Variants in LRRIQ3 observed in about 807,000 individuals in gnomAD.
The protein encoded by LRRIQ3 is leucine rich repeats and IQ motif containing 3, also known as leucine-rich repeat and IQ domain-containing protein 3.
In LRRIQ3, 75 loss-of-function variants were observed where a neutral mutation model predicts 59.3. That is an observed-to-expected ratio of 1.26 (90% confidence interval 1.05 to 1.53). The LOEUF is 1.53. Ranked by LOEUF, LRRIQ3 falls within the 40% of genes most tolerant of loss-of-function variation. The pLI is 0.00. For synonymous variants in LRRIQ3, 250 were observed against 231.3 expected (o/e 1.08, Z -0.73); for missense variants, 831 against 710.0 (o/e 1.17, Z -1.94).
chr1:74,072,701 G>T (rs1185201445), intron 6 of LRRIQ3, among the ~76,000 whole-genome samples: 1 of 151,870 alleles, frequency 6.6e-6, no homozygotes, highest in Non-Finnish European at 1.5e-5. Context: ...CTGTAGCCTA[G>T]TTGGAAGTAG....
intron 7 of LRRIQ3, among the ~76,000 whole-genome samples, chr1:74,037,946 C>T (rs1407285762): frequency 6.6e-6 from 1 of 152,212 alleles, no homozygotes; most frequent in African/African-American, 2.4e-5. Flanking sequence ...TTAAGACTCC[C>T]AGGGGAGGGG....
chr1:74,148,914 C>T (rs1412924181), intron 4 of LRRIQ3, among the ~76,000 whole-genome samples: 1 of 152,122 alleles, frequency 6.6e-6, no homozygotes, highest in East Asian at 1.9e-4. Flanking sequence ...TTATAATAGG[C>T]ACACATTTTA....
intron 6 of LRRIQ3, among the ~76,000 whole-genome samples, chr1:74,049,004 G>C (rs1007542423): frequency 1.3e-5 from 2 of 152,180 alleles, no homozygotes. Context: ...CTAGTAATTA[G>C]ATTGGGTGGA....
chr1:74,058,924 G>T (rs1654618829), intron 6 of LRRIQ3, among the ~76,000 whole-genome samples: 1 of 151,992 alleles, frequency 6.6e-6, no homozygotes, highest in East Asian at 1.9e-4. Flanking sequence ...AAATCCATCT[G>T]TAATCCACAA....
chr1:74,119,884 T>C (rs1446545236), intron 4 of LRRIQ3, among the ~76,000 whole-genome samples: 1 of 152,094 alleles, frequency 6.6e-6, no homozygotes, highest in Non-Finnish European at 1.5e-5. Flanking sequence ...GTTTCTTGGA[T>C]ATTACAAAGC....
rs201442341 is a variant in LRRIQ3, at chr1:74,109,455, A to C, written c.806T>G (p.Leu269Arg). ...YITKGYEDKL[L>R]KDLFFKPETN... The stretch of plus-strand genomic sequence containing the variant: ...TTCAGGTTTGAAAAAGAGATCCTTA[A>C]GGAGCTTATCTTCATACCCTTTGGT... The change falls in exon 5 of 8, where the codon CTT (leucine) becomes CGT (arginine). Residue 269 changes from leucine to arginine, a missense_variant. Transcript: ENST00000354431. 84 of 1,577,560 alleles carry C rather than the reference A, an allele frequency of 5.3e-5. No homozygotes were observed. In the African/African-American group the frequency reaches 1.1e-3, roughly 21 times the overall value.
At position 74,072,878 on chromosome 1, in the gene LRRIQ3, T is replaced by C. The variant is rs192363145; in HGVS notation, c.997+1783A>G. On this transcript the variant is annotated intron_variant, in intron 6 of 7. Transcript: ENST00000354431. ...TTCGAATATTCTGACCATAATGTTC[T>C]TTTATAATTCATACATATATATTAA... Among the ~76,000 whole-genome samples, 39 of 152,286 alleles carry C rather than the reference T, an allele frequency of 2.6e-4. No homozygotes were observed. The East Asian group carries it at 7.0e-3, about 27-fold the overall frequency.
chr1:74,144,836 G>A (rs972928491), intron 4 of LRRIQ3, among the ~76,000 whole-genome samples: 2 of 150,790 alleles, frequency 1.3e-5, no homozygotes, highest in African/African-American at 4.9e-5. Context: ...ATACATGTAT[G>A]TGTACACACA....
intron 6 of LRRIQ3, among the ~76,000 whole-genome samples, chr1:74,050,765 G>A (rs182827741): frequency 2.0e-5 from 3 of 152,272 alleles, no homozygotes; most frequent in South Asian, 2.1e-4. Flanking sequence ...AAAATGAAAC[G>A]AATATAAGGA....
Position 74,111,708 on chromosome 1 carries a change from C to G in LRRIQ3, c.708-2155G>C, listed in dbSNP as rs560540859. ...AAAATCTATTACATCTCAGTGTTAA[C>G]AGTGAATCTTTGCCATTTAAACCAC... On this transcript the variant is annotated intron_variant, in intron 4 of 7. Coordinates refer to ENST00000354431, the MANE Select transcript of LRRIQ3 (RefSeq NM_001105659.2). Among the ~76,000 whole-genome samples, 3 of 152,186 alleles carry G rather than the reference C, an allele frequency of 2.0e-5. No homozygotes were observed. The South Asian group carries it at 6.2e-4, about 32-fold the overall frequency.
At chr1:74,084,226 A>C in intron 5 of LRRIQ3, 1 of 1,544,530 alleles carries the variant, frequency 6.5e-7, no homozygotes, top group South Asian at 1.2e-5. Context: ...CCTGAAGAAA[A>C]ATACAGTAAT....
intron 3 of LRRIQ3, among the ~76,000 whole-genome samples, chr1:74,166,847 A>G (rs1649021353): frequency 6.6e-6 from 1 of 152,002 alleles, no homozygotes. Context: ...ACATATGAAA[A>G]AAATGCTTAA....
intron 3 of LRRIQ3, chr1:74,180,883 C>T: frequency 4.8e-6 from 6 of 1,246,422 alleles, no homozygotes; most frequent in Admixed American, 2.2e-5. Context: ...AATCTCTACC[C>T]CTTTCAGTCT....
intron 4 of LRRIQ3, among the ~76,000 whole-genome samples, chr1:74,134,123 C>T (rs939010559): frequency 6.6e-6 from 1 of 151,866 alleles, no homozygotes; most frequent in Non-Finnish European, 1.5e-5. Flanking sequence ...ATATAGAGGT[C>T]TTCTGTAATG....
At chr1:74,098,020 A>C (rs1179491004) in intron 5 of LRRIQ3, among the ~76,000 whole-genome samples, 2 of 152,168 alleles carry the variant, frequency 1.3e-5, no homozygotes, top group African/African-American at 4.8e-5. Flanking sequence ...TAACCAGCTA[A>C]CATCATAATG....
chr1:74,188,839 C>G (rs188149628), intron 1 of LRRIQ3, among the ~76,000 whole-genome samples: 172 of 152,260 alleles, frequency 1.1e-3, no homozygotes, highest in Non-Finnish European at 1.8e-3. Context: ...GACAAAGTCT[C>G]TCCCATTTCG....
intron 3 of LRRIQ3, among the ~76,000 whole-genome samples, chr1:74,174,144 T>C (rs1460377240): frequency 6.6e-6 from 1 of 152,134 alleles, no homozygotes; most frequent in African/African-American, 2.4e-5. Flanking sequence ...TTGTAAGATA[T>C]CCATAATGCG....
At chr1:74,102,361 G>T (rs1295562347) in intron 5 of LRRIQ3, among the ~76,000 whole-genome samples, 3 of 151,732 alleles carry the variant, frequency 2.0e-5, no homozygotes, top group Non-Finnish European at 4.4e-5. Context: ...TGCCTCAAAA[G>T]TATATAAAAA....
At position 74,041,843 on chromosome 1, in the gene LRRIQ3, G is replaced by A; in HGVS notation, c.1088C>T (p.Ser363Leu). 6.2e-7 allele frequency: 1 copy of A among 1,613,326 alleles called. No homozygotes were observed. The highest frequency in any genetic ancestry group is 8.5e-7 in the Non-Finnish European group (1 of 1,179,662). The stretch of plus-strand genomic sequence containing the variant: ...TCTCAATACTGCATTATTCTTCAAT[G>A]AACCTGAAGTGTATATGGGTAGTTT... ...VFKLPIYTSGSLKNNAVLREK... is the reference protein window; with the variant it reads ...VFKLPIYTSGLLKNNAVLREK... Residue 363 changes from serine to leucine, a missense_variant, in exon 7 of 8, where the codon TCA becomes TTA. Coordinates refer to ENST00000354431, the MANE Select transcript of LRRIQ3 (RefSeq NM_001105659.2).
Sources: allele counts gnomAD v4.1 joint callset (sites outside exome capture counted in the v4.1 genomes callset), GRCh38; gene constraint gnomAD v4.1.1; transcripts MANE v1.5; gene names NCBI Gene and HGNC (gene_info 2026-07-23, HGNC 2026-07-21).